Variants in DPM1 observed in about 807,000 individuals in gnomAD.
DPM1 encodes dolichol-phosphate mannosyltransferase subunit 1.
DPM1 carries 27 observed loss-of-function variants against 39.0 expected under a neutral mutation model. The observed-to-expected ratio is 0.69, with a 90% CI of 0.51 to 0.95. DPM1 has a LOEUF of 0.95. Ranked by LOEUF, DPM1 falls within the 40% of genes least tolerant of loss-of-function variation. DPM1 has a pLI of 0.00. For synonymous variants in DPM1, 124 were observed against 109.0 expected (o/e 1.14, Z -0.86); for missense variants, 307 against 315.6 (o/e 0.97, Z 0.21).
chr20:50,948,822 A>G (rs1236437077), intron 2 of DPM1, among the ~76,000 whole-genome samples, 160 bp from the exon 3 acceptor site: 1 of 152,220 alleles, frequency 6.6e-6, no homozygotes, highest in African/African-American at 2.4e-5. Context: ...CAAAAGAAAA[A>G]AAAAAGCATT....
intron 2 of DPM1, among the ~76,000 whole-genome samples, 194 bp from the exon 3 acceptor site, chr20:50,948,856 C>T (rs922641458): frequency 6.6e-6 from 1 of 151,624 alleles, no homozygotes. Context: ...AATAGTTTAA[C>T]GTAGCTAACA....
At chr20:50,941,023 A>C (rs1241875349) in intron 6 of DPM1, 90 bp from the exon 7 acceptor site, 2 of 1,162,588 alleles carry the variant, frequency 1.7e-6, no homozygotes, top group Non-Finnish European at 2.5e-6. Context: ...ATGCTATACT[A>C]ATTTCATAAA....
In DPM1 at chr20:50,945,839, C is replaced by T. The variant is rs1366491985; in HGVS notation, c.372+8G>A. 1.9e-6 allele frequency: 3 copies of T among 1,612,878 alleles called. No individual in the cohort carries two copies. Among genetic ancestry groups the T allele is most frequent in the East Asian group, 2.2e-5 (1 of 44,788 alleles). The stretch of plus-strand genomic sequence containing the variant: ...CATAAATAGCTAATAAAGAAACATA[C>T]CACTTACATGGTGTGAGAGATCAGC... On this transcript the variant is annotated splice_region_variant and intron_variant, in intron 4 of 8. Transcript: ENST00000371588.
intron 8 of DPM1, 37 bp downstream of exon 8, chr20:50,936,111 C>G: frequency 6.9e-7 from 1 of 1,452,846 alleles, no homozygotes; most frequent in Non-Finnish European, 9.7e-7. Flanking sequence ...GCTCCTTTAC[C>G]AGGAACATGA....
rs1458636253 is a variant in DPM1 at position 50,957,784 on chromosome 20, A to G, written c.161+579T>C. 3.9e-5 allele frequency among the ~76,000 whole-genome samples: 6 copies of G among 152,346 alleles called. No homozygotes were observed. In the East Asian group the frequency reaches 1.2e-3, roughly 29 times the overall value. On this transcript the variant is annotated intron_variant, in intron 1 of 8. Coordinates refer to ENST00000371588, the MANE Select transcript of DPM1 (RefSeq NM_003859.3). ...AGGATTTTTTGCAGTTTTTAAAAAC[A>G]CTGCATTAACACTTCCAAATTCGAA...
rs1800877597 is a variant in DPM1 at position 50,939,020 on chromosome 20, C to T, written c.563+1845G>A. On this transcript the variant is annotated intron_variant, in intron 7 of 8. Transcript: ENST00000371588. The stretch of plus-strand genomic sequence containing the variant: ...AAAAATTGTGCAATTAACAGGTTCA[C>T]TTTTGTCTGTTTGGCTGCTCTGTCA... 2.0e-5 allele frequency among the ~76,000 whole-genome samples: 3 copies of T among 152,174 alleles called. No homozygotes were observed. The East Asian group carries it at 5.8e-4, about 30-fold the overall frequency.
chr20:50,954,013 CTG>C (rs1461707851), intron 2 of DPM1, among the ~76,000 whole-genome samples: 1 of 152,156 alleles, frequency 6.6e-6, no homozygotes, highest in African/African-American at 2.4e-5. Flanking sequence ...AGTTACTCAT[CTG>C]TGAGACAGAC....
intron 8 of DPM1, among the ~76,000 whole-genome samples, 191 bp from the exon 9 acceptor site, chr20:50,935,427 C>T (rs1236002264): frequency 6.6e-6 from 1 of 152,116 alleles, no homozygotes; most frequent in East Asian, 1.9e-4. Flanking sequence ...CATGCATTAT[C>T]TAAAGATAGG....
At chr20:50,945,652 TTAA>T in intron 5 of DPM1, 82 bp downstream of exon 5, 1 of 1,243,702 alleles carries the variant, frequency 8.0e-7, no homozygotes, top group Non-Finnish European at 1.2e-6. Flanking sequence ...GTATTTTTGA[TTAA>T]TAAAAAATGA....
At chr20:50,944,892 G>A (rs1010576205) in intron 5 of DPM1, 1 of 152,034 alleles carries the variant, frequency 6.6e-6, no homozygotes, top group Admixed American at 6.6e-5. Context: ...TGCATGTATT[G>A]GAAATGATTC....
At chr20:50,948,561 A>G (rs1421103847) in intron 3 of DPM1, 68 bp downstream of exon 3, 1 of 1,490,430 alleles carries the variant, frequency 6.7e-7, no homozygotes. Context: ...CCAAACTGGG[A>G]AAATACACAC....
At chr20:50,939,375 G>GT (rs201134316) in intron 7 of DPM1, among the ~76,000 whole-genome samples, 3,128 of 149,290 alleles carry the variant, frequency 0.021, 56 homozygotes, top group East Asian at 0.075. Context: ...GTTTTTTTTT[G>GT]TTTTTTTTTA....
rs565849868 is a variant in DPM1 at position 50,947,704 on chromosome 20, T to C, written c.295+925A>G. 2.9e-4 allele frequency among the ~76,000 whole-genome samples: 44 copies of C among 151,940 alleles called. 1 individual carries two copies. Among genetic ancestry groups the C allele is most frequent in the African/African-American group, 8.2e-4 (34 of 41,438 alleles). Reference sequence around the variant, plus strand: ...AGTGCAGTGGTGTGATCTCGGCTCATTGCAACCTCTGCCTCCTGAGTTCAA... The same window carrying C: ...AGTGCAGTGGTGTGATCTCGGCTCACTGCAACCTCTGCCTCCTGAGTTCAA... On this transcript the variant is annotated intron_variant, in intron 3 of 8. Transcript: ENST00000371588.
At chr20:50,937,033 CAG>C (rs935134068) in intron 7 of DPM1, among the ~76,000 whole-genome samples, 1 of 150,600 alleles carries the variant, frequency 6.6e-6, no homozygotes, top group Admixed American at 6.6e-5. Context: ...TCCGTATTTT[CAG>C]AGTCACACTT....
At chr20:50,950,864 G>A (rs928593948) in intron 2 of DPM1, among the ~76,000 whole-genome samples, 2 of 150,302 alleles carry the variant, frequency 1.3e-5, no homozygotes, top group African/African-American at 2.5e-5. Flanking sequence ...GTGAGACTCC[G>A]TCTCAAAAAA....
At chr20:50,955,436 TCAAA>T (rs1279708668) in intron 1 of DPM1, 151 bp from the exon 2 acceptor site, 8 of 661,674 alleles carry the variant, frequency 1.2e-5, no homozygotes, top group Non-Finnish European at 1.9e-5. Context: ...GAAATAAATG[TCAAA>T]CATTTAGTAC....
At chr20:50,946,004 C>A in intron 3 of DPM1, 81 bp from the exon 4 acceptor site, 1 of 1,212,088 alleles carries the variant, frequency 8.3e-7, no homozygotes, top group Non-Finnish European at 1.2e-6. Flanking sequence ...AATTGTTTAG[C>A]ACCTGAAGAG....
At chr20:50,937,857 G>T (rs1229302220) in intron 7 of DPM1, among the ~76,000 whole-genome samples, 1 of 151,750 alleles carries the variant, frequency 6.6e-6, no homozygotes, top group Non-Finnish European at 1.5e-5. Context: ...TTTAGTTTTT[G>T]TAGAGACGGA....
intron 6 of DPM1, among the ~76,000 whole-genome samples, chr20:50,941,563 C>T (rs1032871688): frequency 6.6e-6 from 1 of 151,590 alleles, no homozygotes; most frequent in African/African-American, 2.4e-5. Context: ...CAAAAATTAG[C>T]CAGGCATGGT....
Sources: allele counts gnomAD v4.1 joint callset (sites outside exome capture counted in the v4.1 genomes callset), GRCh38; gene constraint gnomAD v4.1.1; transcripts MANE v1.5; gene names NCBI Gene and HGNC (gene_info 2026-07-23, HGNC 2026-07-21).